TCTN1: variants seen among roughly 807,000 people sequenced by gnomAD.
TCTN1 encodes tectonic-1.
A neutral mutation model predicts 65.8 loss-of-function variants in TCTN1; 58 were observed. The ratio of observed to expected loss-of-function variants is 0.88; its 90% CI spans 0.71 to 1.10. TCTN1 has a LOEUF of 1.10. Among genes scored for constraint, TCTN1 ranks in the 50% least tolerant of loss-of-function variants. The pLI, the probability that TCTN1 is intolerant of heterozygous loss-of-function variation, is 0.00. For synonymous variants in TCTN1, 273 were observed against 289.1 expected, an observed-to-expected ratio of 0.94 and a Z score of 0.57; for missense variants, 645 against 719.4, an observed-to-expected ratio of 0.90 and a Z score of 1.18.
At chr12:110,628,367 G>C in intron 3 of TCTN1, 210 of 808,042 alleles carry the variant, frequency 2.6e-4, no homozygotes, top group Non-Finnish European at 3.6e-4. Flanking sequence ...TTGAGATGAA[G>C]TCTCACTGTG....
intron 2 of TCTN1, among the ~76,000 whole-genome samples, chr12:110,623,064 C>T (rs1393677613): frequency 3.9e-5 from 6 of 152,164 alleles, no homozygotes; most frequent in South Asian, 2.1e-4. Context: ...CTCTAGCCCT[C>T]GTGGTCGTCC....
At chr12:110,625,402 T>C (rs1362972359) in intron 2 of TCTN1, among the ~76,000 whole-genome samples, 2 of 152,096 alleles carry the variant, frequency 1.3e-5, no homozygotes, top group South Asian at 4.1e-4. Flanking sequence ...GTAATACAGG[T>C]GCATGCTACT....
chr12:110,619,798 T>C, intron 1 of TCTN1, 38 bp from the exon 2 acceptor site: 1 of 1,613,620 alleles, frequency 6.2e-7, no homozygotes. Flanking sequence ...CACCTGCTGA[T>C]GGTGATGTTC....
At chr12:110,625,777 T>C (rs1472224955) in intron 2 of TCTN1, 3 of 144,014 alleles carry the variant, frequency 2.1e-5, no homozygotes, top group East Asian at 4.5e-4. Context: ...TTTTTTGAGA[T>C]GGAGTCTCAC....
chr12:110,632,770 C>T (rs904857607), intron 5 of TCTN1, among the ~76,000 whole-genome samples: 16 of 152,104 alleles, frequency 1.1e-4, no homozygotes, highest in Non-Finnish European at 1.8e-4. Context: ...TCAAAGGTCA[C>T]GTAGTTCAAT....
chr12:110,614,697 C>A (rs1414534624), intron 1 of TCTN1, among the ~76,000 whole-genome samples: 4 of 152,186 alleles, frequency 2.6e-5, no homozygotes, highest in African/African-American at 9.7e-5. Context: ...ATAATGAATT[C>A]TTGCAGCCCA....
intron 2 of TCTN1, among the ~76,000 whole-genome samples, chr12:110,620,810 CT>C (rs1216049794): frequency 0.079 from 10,482 of 133,250 alleles, 337 homozygotes; most frequent in South Asian, 0.16. Context: ...TTCAAGGCTT[CT>C]TTTTTTTTTT....
At chr12:110,626,201 G>A (rs370270105) in intron 2 of TCTN1, among the ~76,000 whole-genome samples, 161 bp from the exon 3 acceptor site, 6 of 151,260 alleles carry the variant, frequency 4.0e-5, no homozygotes, top group East Asian at 3.9e-4. Flanking sequence ...CCATTCTCCC[G>A]CCTCAGCCTC....
chr12:110,622,320 G>C (rs2065489409), intron 2 of TCTN1, among the ~76,000 whole-genome samples: 1 of 152,060 alleles, frequency 6.6e-6, no homozygotes, highest in African/African-American at 2.4e-5. Context: ...TGTCTCAGCA[G>C]TCTTTCCTTT....
At chr12:110,647,997 G>T in intron 14 of TCTN1, 104 bp downstream of exon 14, 2 of 1,549,662 alleles carry the variant, frequency 1.3e-6, no homozygotes, top group South Asian at 2.3e-5. Context: ...ACTTTTTGAG[G>T]GTCTCGCTTT....
chr12:110,631,863 T>A (rs2066259927), intron 4 of TCTN1, among the ~76,000 whole-genome samples: 2 of 152,188 alleles, frequency 1.3e-5, no homozygotes, highest in South Asian at 4.1e-4. Flanking sequence ...CAGATTGCCC[T>A]CCAGAAAAAT....
Position 110,629,101 on chromosome 12 carries a change from G to A in TCTN1, c.624+183G>A, listed in dbSNP as rs934424923. 4 of 720,634 alleles carry A rather than the reference G, an allele frequency of 5.6e-6. No homozygotes were observed. In the African/African-American group the frequency reaches 7.1e-5, roughly 13 times the overall value. The allele number at this position is 720,634 out of a possible 1,614,324, so 44.6% of individuals were successfully genotyped here. A position where few individuals can be genotyped will look rare whatever the true frequency, so the allele number is the denominator to read the frequency against. ...AAATTAAAACTGAATATTTGAAGAT[G>A]GATTAAAGACTTAAATGTAAGACCT... On this transcript the variant is annotated intron_variant, in intron 4 of 14. Coordinates refer to ENST00000397659, the MANE Select transcript of TCTN1 (RefSeq NM_001082538.3).
chr12:110,646,427 C>G (rs1244502704), intron 12 of TCTN1: 1 of 151,498 alleles, frequency 6.6e-6, no homozygotes. Context: ...ATGTCAGACA[C>G]ACACAAAAGT....
intron 4 of TCTN1, chr12:110,630,174 G>A (rs529928631): frequency 3.9e-5 from 6 of 152,206 alleles, no homozygotes; most frequent in South Asian, 4.1e-4. Flanking sequence ...GTATACCTAC[G>A]TAACAAACCT....
At chr12:110,626,251 A>G (rs2065834941) in intron 2 of TCTN1, 111 bp from the exon 3 acceptor site, 2 of 1,237,022 alleles carry the variant, frequency 1.6e-6, no homozygotes, top group East Asian at 5.4e-5. Context: ...AATATCCTCC[A>G]CGTAACTGTT....
At position 110,614,262 on chromosome 12, in the gene TCTN1, C is replaced by T. The variant is rs1281138521; in HGVS notation, c.80C>T (p.Thr27Ile). Residue 27 changes from threonine (T) to isoleucine (I), a missense_variant, in exon 1 of 15, where the codon ACC (threonine) becomes ATC (isoleucine). Transcript: ENST00000397659. ...TCCGTGAGCGCCCAGACCGATGCCA[C>T]CCCGGCGGTGACGACAGAGGGCCTC... Reference protein sequence around the residue: ...WASVSAQTDATPAVTTEGLNS... With the variant: ...WASVSAQTDAIPAVTTEGLNS... The T allele has an allele frequency of 3.8e-6, 6 of 1,595,686 alleles. No homozygotes were observed. In the East Asian group the frequency reaches 1.4e-4, roughly 36 times the overall value.
chr12:110,641,693 C>G, intron 10 of TCTN1, 66 bp downstream of exon 10: 7 of 1,492,766 alleles, frequency 4.7e-6, no homozygotes, highest in Admixed American at 1.7e-5. Context: ...CTGCACTGCT[C>G]TTTATCGCTG....
intron 6 of TCTN1, 108 bp downstream of exon 6, chr12:110,634,887 G>A (rs567495182): frequency 2.2e-5 from 18 of 810,974 alleles, no homozygotes; most frequent in African/African-American, 1.9e-4. Context: ...ATTGACACTC[G>A]AGTTTAAATT....
At chr12:110,636,670 T>G (rs1443126745) in intron 7 of TCTN1, among the ~76,000 whole-genome samples, 169 bp downstream of exon 7, 1 of 152,180 alleles carries the variant, frequency 6.6e-6, no homozygotes, top group Non-Finnish European at 1.5e-5. Context: ...AACTCCTTAG[T>G]GGGAGTCACA....
Sources: gnomAD v4.1 joint callset for allele counts (sites outside exome capture counted in the v4.1 genomes callset) on GRCh38, gnomAD v4.1.1 for gene constraint, MANE v1.5 for transcripts, NCBI Gene and HGNC (gene_info 2026-07-23, HGNC 2026-07-21) for gene names.